Variants in RECK observed in about 807,000 individuals in gnomAD.
RECK encodes reversion-inducing cysteine-rich protein with Kazal motifs.
A neutral mutation model predicts 115.1 loss-of-function variants in RECK; 69 were observed. The observed-to-expected ratio is 0.60, with a 90% CI of 0.49 to 0.73. The LOEUF (loss-of-function observed/expected upper bound fraction) is 0.73. Among genes scored for constraint, RECK ranks in the 30% least tolerant of loss-of-function variants. RECK has a pLI of 0.00. For missense variants in RECK, 1,047 were observed against 1,203.7 expected, an observed-to-expected ratio of 0.87 and a Z score of 1.93; for synonymous variants, 414 against 419.7, an observed-to-expected ratio of 0.99 and a Z score of 0.17.
chr9:36,051,050 A>G (rs1324253828), intron 1 of RECK, among the ~76,000 whole-genome samples: 1 of 152,148 alleles, frequency 6.6e-6, no homozygotes, highest in African/African-American at 2.4e-5. Flanking sequence ...ATAGTTTAAT[A>G]TCTGCTCTTT....
chr9:36,097,616 T>C (rs1823404242), intron 10 of RECK, among the ~76,000 whole-genome samples: 1 of 152,120 alleles, frequency 6.6e-6, no homozygotes, highest in African/African-American at 2.4e-5. Context: ...GGAAACAGTA[T>C]GGGGGGTCCT....
In RECK at chr9:36,087,829, A is replaced by T; in HGVS notation, c.773A>T (p.Asp258Val). Residue 258 changes from aspartate (D) to valine (V), a missense_variant, in exon 9 of 21, where the codon GAT becomes GTT. Physicochemically the swap from Asp to Val is radical, Grantham distance 152. Coordinates refer to ENST00000377966, the MANE Select transcript of RECK (RefSeq NM_021111.3). Reference sequence around the variant, plus strand: ...TGTAAGACCCAGCCCTTGCCTCAAGATCCTCTTTGGCAATGTTTTCTTGAA... The same window carrying T: ...TGTAAGACCCAGCCCTTGCCTCAAGTTCCTCTTTGGCAATGTTTTCTTGAA... Reference protein sequence around the residue: ...EGCKTQPLPQDPLWQCFLESS... With the variant: ...EGCKTQPLPQVPLWQCFLESS... 2 of 1,614,030 alleles carry T rather than the reference A, an allele frequency of 1.2e-6. No individual in the cohort carries two copies. Among genetic ancestry groups the T allele is most frequent in the Non-Finnish European group, 8.5e-7 (1 of 1,179,936 alleles).
chr9:36,073,724 G>A (rs1027512576), intron 6 of RECK, among the ~76,000 whole-genome samples: 1 of 152,074 alleles, frequency 6.6e-6, no homozygotes. Context: ...CTAGCTCCTG[G>A]TTCTTCTCTC....
intron 6 of RECK, among the ~76,000 whole-genome samples, chr9:36,079,114 C>T (rs1197084360): frequency 9.2e-5 from 14 of 152,070 alleles, no homozygotes; most frequent in African/African-American, 3.4e-4. Context: ...AGGCTGGTCT[C>T]GAACTCCCGA....
In RECK at chr9:36,123,175, A is replaced by T; in HGVS notation, c.*130A>T. 7 of 519,024 alleles carry T rather than the reference A, an allele frequency of 1.3e-5. No homozygotes were observed. The highest frequency in any genetic ancestry group is 6.0e-5 in the South Asian group (2 of 33,350). 32.2% of individuals were successfully genotyped at this position (519,024 alleles called of 1,614,324 possible). A position where few individuals can be genotyped will look rare whatever the true frequency, so the allele number is the denominator to read the frequency against. Reference sequence around the variant, plus strand: ...ATGTCACCTCTATTCGCCACACAGTATTTTTTTTTTTAATCCGCCAATATT... The same window carrying T: ...ATGTCACCTCTATTCGCCACACAGTTTTTTTTTTTTTAATCCGCCAATATT... On this transcript the variant is annotated 3_prime_UTR_variant, in exon 21 of 21. Transcript: ENST00000377966.
At chr9:36,088,141 G>A (rs922702581) in intron 9 of RECK, among the ~76,000 whole-genome samples, 180 bp downstream of exon 9, 5 of 152,168 alleles carry the variant, frequency 3.3e-5, no homozygotes, top group Admixed American at 6.5e-5. Context: ...ACAAAACATT[G>A]TTCTGTATAT....
At chr9:36,098,696 A>G (rs1823454960) in intron 10 of RECK, among the ~76,000 whole-genome samples, 1 of 152,198 alleles carries the variant, frequency 6.6e-6, no homozygotes, top group Admixed American at 6.5e-5. Flanking sequence ...GGGGGAGAGG[A>G]ACCAAAACAT....
At chr9:36,055,177 A>G (rs1821474174) in intron 2 of RECK, among the ~76,000 whole-genome samples, 1 of 152,158 alleles carries the variant, frequency 6.6e-6, no homozygotes, top group South Asian at 2.1e-4. Flanking sequence ...CTGAATAAGC[A>G]TTCATCTTTC....
At position 36,100,507 on chromosome 9, in the gene RECK, C is replaced by T. The variant is rs796375922; in HGVS notation, c.1262C>T (p.Pro421Leu). 2 of 1,613,922 alleles carry T rather than the reference C, an allele frequency of 1.2e-6. No homozygotes were observed. The highest frequency in any genetic ancestry group is 8.5e-7 in the Non-Finnish European group (1 of 1,179,886). The change falls in exon 11 of 21, where the codon CCT becomes CTT. Residue 421 changes from proline (P) to leucine (L), a missense_variant. By Grantham distance (98) the Pro-to-Leu change is moderately conservative (BLOSUM62 -3). Coordinates refer to ENST00000377966, the MANE Select transcript of RECK (RefSeq NM_021111.3). Reference protein sequence around the residue: ...KAIACSLQIKPCHSKSRGSII... With the variant: ...KAIACSLQIKLCHSKSRGSII... ...ATAGCTTGTTCACTGCAGATTAAAC[C>T]TTGTCATAGTAAATCTCGGGGAAGT...
intron 4 of RECK, among the ~76,000 whole-genome samples, chr9:36,061,395 C>T (rs1006245034): frequency 9.0e-6 from 1 of 111,202 alleles, no homozygotes; most frequent in African/African-American, 4.9e-5. Flanking sequence ...TAATTTTCTA[C>T]ACACACACAC....
At chr9:36,073,675 C>G (rs377472057) in intron 6 of RECK, among the ~76,000 whole-genome samples, 1 of 152,210 alleles carries the variant, frequency 6.6e-6, no homozygotes, top group South Asian at 2.1e-4. Context: ...TAGAACACAG[C>G]TCATGCTCCT....
At chr9:36,096,122 G>A (rs2381437) in intron 10 of RECK, among the ~76,000 whole-genome samples, 81,494 of 149,508 alleles carry the variant, frequency 0.55, 22,565 homozygotes, top group East Asian at 0.79. Context: ...CTGTAGTCCC[G>A]GCTGCTCAGG....
At chr9:36,080,668 C>T (rs775383433) in intron 7 of RECK, 30 bp downstream of exon 7, 3 of 1,599,984 alleles carry the variant, frequency 1.9e-6, no homozygotes, top group South Asian at 2.2e-5. Flanking sequence ...GTTGTACAAA[C>T]AGTCCAAAGA....
chr9:36,050,376 A>G (rs1375055559), intron 1 of RECK, among the ~76,000 whole-genome samples: 2 of 152,070 alleles, frequency 1.3e-5, no homozygotes, highest in African/African-American at 4.8e-5. Context: ...TTTTTCTTCC[A>G]TATTTCACTT....
At chr9:36,095,512 T>TTTTA (rs1202604672) in intron 10 of RECK, among the ~76,000 whole-genome samples, 2 of 152,164 alleles carry the variant, frequency 1.3e-5, no homozygotes, top group African/African-American at 4.8e-5. Context: ...GACATGGACA[T>TTTTA]TAAAAACAAG....
At position 36,118,902 on chromosome 9, in the gene RECK, C is replaced by T. The variant is rs1468198343; in HGVS notation, c.2399C>T (p.Ala800Val). Reference protein sequence around the residue: ...VGVLSEHSSVAECASVKCPSL... With the variant: ...VGVLSEHSSVVECASVKCPSL... ...GTCCTCTCAGAGCACAGCTCCGTCG[C>T]CGAGTGTGCTTCTGTCAAGTGTCCT... The change falls in exon 18 of 21, where the codon GCC (alanine) becomes GTC (valine). Residue 800 changes from alanine to valine, a missense_variant. Physicochemically the swap from Ala to Val is moderately conservative, Grantham distance 64. Transcript: ENST00000377966. The T allele has an allele frequency of 3.6e-5, 58 of 1,613,736 alleles. No individual in the cohort carries two copies. The highest frequency in any genetic ancestry group is 1.8e-4 in the Middle Eastern group (1 of 5,700).
intron 12 of RECK, among the ~76,000 whole-genome samples, chr9:36,103,332 C>T (rs963168423): frequency 1.3e-5 from 2 of 152,248 alleles, no homozygotes; most frequent in African/African-American, 2.4e-5. Flanking sequence ...TAGTCTAGGG[C>T]TTCATCATCA....
intron 1 of RECK, among the ~76,000 whole-genome samples, chr9:36,046,230 C>T (rs1005698668): frequency 3.3e-5 from 5 of 152,100 alleles, no homozygotes; most frequent in African/African-American, 1.2e-4. Context: ...TTATAGAAAG[C>T]ATTAGGCCTG....
intron 2 of RECK, among the ~76,000 whole-genome samples, chr9:36,055,175 GCATT>G (rs1039841909): frequency 6.6e-6 from 1 of 152,054 alleles, no homozygotes; most frequent in African/African-American, 2.4e-5. Flanking sequence ...TTCTGAATAA[GCATT>G]CATCTTTCTT....
Sources: allele counts gnomAD v4.1 joint callset (sites outside exome capture counted in the v4.1 genomes callset), GRCh38; gene constraint gnomAD v4.1.1; transcripts MANE v1.5; gene names NCBI Gene and HGNC (gene_info 2026-07-23, HGNC 2026-07-21).